ZMAT4: variants seen among roughly 807,000 people sequenced by gnomAD.
ZMAT4 encodes zinc finger matrin-type 4.
A neutral mutation model predicts 28.7 loss-of-function variants in ZMAT4; 17 were observed. That is an observed-to-expected ratio of 0.59 (90% CI 0.41 to 0.89). The LOEUF (loss-of-function observed/expected upper bound fraction) is 0.89, where lower values mean the gene tolerates loss of function less well. ZMAT4 is among the 40% of genes least tolerant of loss of function. ZMAT4 has a pLI of 0.00. For synonymous variants in ZMAT4, 117 were observed against 109.2 expected (o/e 1.07, Z -0.44); for missense variants, 240 against 283.8 (o/e 0.85, Z 1.11).
chr8:40,872,837 GT>G (rs1817910723), intron 1 of ZMAT4, among the ~76,000 whole-genome samples: 1 of 152,114 alleles, frequency 6.6e-6, no homozygotes, highest in Non-Finnish European at 1.5e-5. Flanking sequence ...TTTGTTTTTA[GT>G]TTTTGTCAGC....
intron 2 of ZMAT4, among the ~76,000 whole-genome samples, chr8:40,780,629 A>G (rs1022247232): frequency 1.3e-5 from 2 of 152,258 alleles, no homozygotes; most frequent in Admixed American, 1.3e-4. Flanking sequence ...GAAGTTGAGA[A>G]GATATTACCA....
At chr8:40,745,125 T>C (rs1812164952) in intron 3 of ZMAT4, among the ~76,000 whole-genome samples, 1 of 152,182 alleles carries the variant, frequency 6.6e-6, no homozygotes, top group Admixed American at 6.5e-5. Flanking sequence ...CAGGGCCGAC[T>C]CACAGCATCC....
intron 1 of ZMAT4, among the ~76,000 whole-genome samples, chr8:40,857,236 T>C (rs1817329740): frequency 6.6e-6 from 1 of 151,980 alleles, no homozygotes; most frequent in Admixed American, 6.6e-5. Flanking sequence ...GGATCTATAG[T>C]CCCAGCTACT....
At chr8:40,661,274 A>G (rs1158895980) in intron 5 of ZMAT4, among the ~76,000 whole-genome samples, 1 of 152,004 alleles carries the variant, frequency 6.6e-6, no homozygotes, top group Non-Finnish European at 1.5e-5. Flanking sequence ...TAATTTTTGT[A>G]TTTTTTGTAG....
intron 5 of ZMAT4, among the ~76,000 whole-genome samples, chr8:40,610,733 T>TA (rs552382578): frequency 1.3e-3 from 195 of 149,860 alleles, no homozygotes; most frequent in Non-Finnish European, 2.2e-3. Context: ...CTTGAGACTG[T>TA]AAAAAAAAAG....
chr8:40,621,825 C>T (rs569167960), intron 5 of ZMAT4, among the ~76,000 whole-genome samples: 63 of 152,228 alleles, frequency 4.1e-4, no homozygotes, highest in African/African-American at 1.5e-3. Flanking sequence ...TCTAGTGGTT[C>T]TTTGATACCA....
chr8:40,766,326 T>G lies in ZMAT4; in HGVS notation c.192+1315A>C, dbSNP rs190191240. Among the ~76,000 whole-genome samples, 4 of 152,380 alleles carry G rather than the reference T, an allele frequency of 2.6e-5. No individual in the cohort carries two copies. In the East Asian group the frequency reaches 7.7e-4, roughly 29 times the overall value. The stretch of plus-strand genomic sequence containing the variant: ...AACACTGCGTCTTATTTAGCTGTTT[T>G]GTCAGTGCCTGCATGTGATGCTTGG... On this transcript the variant is annotated intron_variant, in intron 3 of 6. Coordinates refer to ENST00000297737, the MANE Select transcript of ZMAT4 (RefSeq NM_024645.3).
intron 5 of ZMAT4, among the ~76,000 whole-genome samples, chr8:40,603,503 G>T (rs749936028): frequency 1.3e-5 from 2 of 152,152 alleles, no homozygotes; most frequent in Non-Finnish European, 1.5e-5. Flanking sequence ...TGAATTTGTA[G>T]ATTGCTTTTG....
At chr8:40,607,321 C>T (rs527436675) in intron 5 of ZMAT4, among the ~76,000 whole-genome samples, 86 of 151,798 alleles carry the variant, frequency 5.7e-4, no homozygotes, top group South Asian at 1.7e-3. Flanking sequence ...CACGGTGAGA[C>T]GGGGTTTCAC....
intron 2 of ZMAT4, among the ~76,000 whole-genome samples, chr8:40,794,184 C>T (rs1339573427): frequency 6.6e-6 from 1 of 152,040 alleles, no homozygotes; most frequent in Non-Finnish European, 1.5e-5. Context: ...TGGTGCAGAA[C>T]TCGGATAACA....
intron 5 of ZMAT4, among the ~76,000 whole-genome samples, chr8:40,584,243 C>T (rs914371437): frequency 6.6e-6 from 1 of 152,106 alleles, no homozygotes; most frequent in Non-Finnish European, 1.5e-5. Context: ...TTCCATTTCC[C>T]TTGCTAGTCT....
At chr8:40,575,959 G>T (rs1201774392) in intron 6 of ZMAT4, among the ~76,000 whole-genome samples, 1 of 151,826 alleles carries the variant, frequency 6.6e-6, no homozygotes, top group African/African-American at 2.4e-5. Flanking sequence ...CAAAAAGTTA[G>T]ATATCTCAAA....
chr8:40,599,099 AT>A (rs1278406990), intron 5 of ZMAT4, among the ~76,000 whole-genome samples: 1 of 152,200 alleles, frequency 6.6e-6, no homozygotes, highest in Non-Finnish European at 1.5e-5. Flanking sequence ...CACAATTGAA[AT>A]CTTAAGGTAC....
intron 1 of ZMAT4, among the ~76,000 whole-genome samples, chr8:40,872,441 C>A (rs369362012): frequency 1.3e-5 from 2 of 152,182 alleles, no homozygotes; most frequent in African/African-American, 4.8e-5. Context: ...CAGTACCCCC[C>A]CCAACCCTGG....
intron 2 of ZMAT4, among the ~76,000 whole-genome samples, chr8:40,813,810 G>C (rs941738316): frequency 7.9e-5 from 12 of 152,232 alleles, no homozygotes; most frequent in Non-Finnish European, 1.3e-4. Flanking sequence ...TCCCAAATCA[G>C]AACAAAGTTG....
chr8:40,538,934 C>T (rs932581547), intron 6 of ZMAT4, among the ~76,000 whole-genome samples: 7 of 151,944 alleles, frequency 4.6e-5, no homozygotes, highest in Admixed American at 1.3e-4. Flanking sequence ...TACAGGCACC[C>T]GCCACCACAC....
chr8:40,744,583 T>A (rs1812141292), intron 3 of ZMAT4, among the ~76,000 whole-genome samples: 1 of 152,184 alleles, frequency 6.6e-6, no homozygotes, highest in African/African-American at 2.4e-5. Flanking sequence ...CCCTCCTCAC[T>A]GCAGCCTCCT....
intron 1 of ZMAT4, among the ~76,000 whole-genome samples, chr8:40,887,130 C>T (rs563072300): frequency 1.4e-5 from 2 of 142,814 alleles, no homozygotes; most frequent in Non-Finnish European, 3.0e-5. Context: ...GAGATCATGC[C>T]ACTGCACTCC....
intron 5 of ZMAT4, among the ~76,000 whole-genome samples, chr8:40,643,585 A>G (rs1807153153): frequency 1.3e-5 from 2 of 152,084 alleles, no homozygotes; most frequent in Non-Finnish European, 1.5e-5. Context: ...AACTCCGTCC[A>G]GAGGGAAGAG....
Sources: gnomAD v4.1 joint callset for allele counts (sites outside exome capture counted in the v4.1 genomes callset) on GRCh38, gnomAD v4.1.1 for gene constraint, MANE v1.5 for transcripts, NCBI Gene and HGNC (gene_info 2026-07-23, HGNC 2026-07-21) for gene names.